The following CCDC171 variants were observed in gnomAD, a reference collection of about 807,000 sequenced individuals.
CCDC171 encodes the protein coiled-coil domain-containing protein 171.
A neutral mutation model predicts 168.2 loss-of-function variants in CCDC171; 177 were observed. The ratio of observed to expected loss-of-function variants is 1.05; its 90% CI spans 0.93 to 1.19. The LOEUF (loss-of-function observed/expected upper bound fraction) is 1.19. Among genes scored for constraint, CCDC171 ranks in the 50% most tolerant of loss-of-function variants. The pLI is 0.00. For synonymous variants in CCDC171, 687 were observed against 540.8 expected (o/e 1.27, Z -3.75); for missense variants, 1,991 against 1,539.0 (o/e 1.29, Z -4.91).
intron 8 of CCDC171, among the ~76,000 whole-genome samples, chr9:15,665,398 A>C (rs2048661939): frequency 1.3e-5 from 2 of 152,222 alleles, no homozygotes; most frequent in Non-Finnish European, 2.9e-5. Context: ...AAATCTCAGG[A>C]ATAAAAAGAT....
chr9:15,808,877 G>T (rs1201529837), intron 21 of CCDC171, among the ~76,000 whole-genome samples: 2 of 152,112 alleles, frequency 1.3e-5, no homozygotes, highest in Non-Finnish European at 2.9e-5. Flanking sequence ...CACATTGCTG[G>T]TTATTGAGAA....
intron 7 of CCDC171, chr9:16,035,668 CATGGCTTTATA>C (rs1238664603): frequency 6.6e-6 from 1 of 152,262 alleles, no homozygotes; most frequent in Non-Finnish European, 1.5e-5. Flanking sequence ...TTTCTGTGAG[CATGGCTTTATA>C]GCTTTCTGGC....
At chr9:15,619,399 G>C (rs1412927819) in intron 6 of CCDC171, among the ~76,000 whole-genome samples, 1 of 152,230 alleles carries the variant, frequency 6.6e-6, no homozygotes, top group Non-Finnish European at 1.5e-5. Context: ...AAGAGAGCCA[G>C]CCATTCTTAT....
rs988868407 is a variant in CCDC171 at position 15,789,498 on chromosome 9, G to A, written c.3267+4804G>A. Among the ~76,000 whole-genome samples, 25 of 152,218 alleles carry A rather than the reference G, an allele frequency of 1.6e-4. No homozygotes were observed. The South Asian group carries it at 4.8e-3, about 29-fold the overall frequency. On this transcript the variant is annotated intron_variant, in intron 21 of 25. Transcript: ENST00000380701. ...TTCCATTGTTTTAAGCAAAAGCTAA[G>A]GCAAAAGTCTATCTGGAAAAAGGCT...
intron 8 of CCDC171, among the ~76,000 whole-genome samples, chr9:15,662,913 G>A (rs1402451757): frequency 3.9e-5 from 6 of 152,070 alleles, no homozygotes; most frequent in African/African-American, 1.2e-4. Flanking sequence ...TCCAGGGGGC[G>A]GAGGTTGCAG....
intron 25 of CCDC171, among the ~76,000 whole-genome samples, chr9:15,951,947 G>C (rs542368671): frequency 1.3e-5 from 2 of 151,840 alleles, no homozygotes; most frequent in Admixed American, 1.3e-4. Context: ...CCAAATCCAG[G>C]GTTGTAAAGC....
the CCDC171 span, among the ~76,000 whole-genome samples, chr9:16,079,720 G>A: frequency 6.6e-6 from 1 of 152,198 alleles, no homozygotes; most frequent in Non-Finnish European, 1.5e-5. Flanking sequence ...TCAGTTTGTG[G>A]CACTTCGTTA....
At chr9:15,966,372 C>T (rs1830788881) in intron 25 of CCDC171, among the ~76,000 whole-genome samples, 1 of 152,148 alleles carries the variant, frequency 6.6e-6, no homozygotes, top group Non-Finnish European at 1.5e-5. Context: ...ATGTAACTGG[C>T]TTGCACAGTA....
intron 23 of CCDC171, among the ~76,000 whole-genome samples, chr9:15,854,134 G>A (rs1314643273): frequency 6.7e-6 from 1 of 150,252 alleles, no homozygotes; most frequent in Non-Finnish European, 1.5e-5. Context: ...GTTAGGAGAT[G>A]CTCCCTTCTC....
Position 15,660,998 on chromosome 9 carries a change from T to C in CCDC171, c.915+3779T>C, listed in dbSNP as rs995093871. Among the ~76,000 whole-genome samples the C allele has an allele frequency of 1.8e-4, 27 of 152,138 alleles. 1 individual carries two copies. The highest frequency in any genetic ancestry group is 1.3e-4 in the Admixed American group (2 of 15,276). ...ACCAGCATCTTAACATGCTGTTTTT[T>C]TGCCGGGCGCGGGGGCTCACGCCTG... On this transcript the variant is annotated intron_variant, in intron 8 of 25. Transcript: ENST00000380701.
chr9:15,775,933 C>A (rs532498086), intron 18 of CCDC171, among the ~76,000 whole-genome samples: 5 of 152,026 alleles, frequency 3.3e-5, no homozygotes, highest in Non-Finnish European at 5.9e-5. Context: ...TAAATAATTG[C>A]AAGGTAGTTG....
rs1050061379 is a variant in CCDC171, at chr9:15,594,229, A to G, written c.675+57A>G. On this transcript the variant is annotated intron_variant, in intron 6 of 25. Coordinates refer to ENST00000380701, the MANE Select transcript of CCDC171 (RefSeq NM_173550.4). ...ATATTTTTAATGCTTATGATATTCA[A>G]AATTACATTAGTGGGATAACTGACT... 2.9e-5 allele frequency: 28 copies of G among 958,762 alleles called. No homozygotes were observed. In the African/African-American group the frequency reaches 4.0e-4, roughly 14 times the overall value. 59.4% of individuals were successfully genotyped at this position (958,762 alleles called of 1,614,324 possible). A position where few individuals can be genotyped will look rare whatever the true frequency, so the allele number is the denominator to read the frequency against.
intron 25 of CCDC171, among the ~76,000 whole-genome samples, chr9:15,965,584 C>T (rs745592580): frequency 6.6e-6 from 1 of 152,126 alleles, no homozygotes; most frequent in Non-Finnish European, 1.5e-5. Context: ...ATTCAGATAA[C>T]GCCTGTAAAA....
intron 18 of CCDC171, among the ~76,000 whole-genome samples, chr9:15,746,708 A>G (rs1453862951): frequency 2.6e-5 from 4 of 152,174 alleles, no homozygotes; most frequent in African/African-American, 9.6e-5. Flanking sequence ...TGATTTCTAC[A>G]TTTCCAACTG....
intron 21 of CCDC171, among the ~76,000 whole-genome samples, chr9:15,830,581 A>C (rs2060189878): frequency 6.6e-6 from 1 of 152,206 alleles, no homozygotes; most frequent in Non-Finnish European, 1.5e-5. Context: ...CATTTAATGC[A>C]ATCCGCTTTA....
chr9:15,808,815 C>T (rs920030207), intron 21 of CCDC171, among the ~76,000 whole-genome samples: 1 of 152,032 alleles, frequency 6.6e-6, no homozygotes, highest in Non-Finnish European at 1.5e-5. Context: ...ATTTGGGCTG[C>T]TGTACCAAAA....
At chr9:16,095,867 C>CATAT in the CCDC171 span, among the ~76,000 whole-genome samples, 1,250 of 52,690 alleles carry the variant, frequency 0.024, 24 homozygotes, top group African/African-American at 0.083. Flanking sequence ...CACACATAGG[C>CATAT]ACATATATAT....
intron 23 of CCDC171, among the ~76,000 whole-genome samples, chr9:15,865,525 C>T (rs570928680): frequency 7.2e-5 from 11 of 152,056 alleles, no homozygotes; most frequent in African/African-American, 2.7e-4. Flanking sequence ...TCCTTCTCCT[C>T]CTCAGCCTAT....
chr9:15,972,647 T>G lies in CCDC171; in HGVS notation c.*811T>G, dbSNP rs2132829066. 1 of 152,264 alleles carries G rather than the reference T, an allele frequency of 6.6e-6. No individual in the cohort carries two copies. Among genetic ancestry groups the G allele is most frequent in the Admixed American group, 6.6e-5 (1 of 15,266 alleles). 9.4% of individuals were successfully genotyped at this position (152,264 alleles called of 1,614,324 possible). A position where few individuals can be genotyped will look rare whatever the true frequency, so the allele number is the denominator to read the frequency against. On this transcript the variant is annotated 3_prime_UTR_variant, in exon 26 of 26. Transcript: ENST00000380701. ...ATATATTTAGTATAAGCTGAAAAAC[T>G]TCAAGGTAATGGCTGTTTTGACCTT...
Sources: gnomAD v4.1 joint callset for allele counts (sites outside exome capture counted in the v4.1 genomes callset) on GRCh38, gnomAD v4.1.1 for gene constraint, MANE v1.5 for transcripts, NCBI Gene and HGNC (gene_info 2026-07-23, HGNC 2026-07-21) for gene names.